CDC20B: variants seen among roughly 807,000 people sequenced by gnomAD.
CDC20B encodes cell division cycle 20B.
Under a neutral mutation model 64.1 loss-of-function variants are expected in CDC20B, and 58 were observed. That is an observed-to-expected ratio of 0.90 (90% CI 0.73 to 1.13). CDC20B has a LOEUF of 1.13. CDC20B is among the 50% of genes most tolerant of loss of function. The pLI, the probability that CDC20B is intolerant of heterozygous loss-of-function variation, is 0.00. For synonymous variants in CDC20B, 243 were observed against 230.6 expected (o/e 1.05, Z -0.49); for missense variants, 597 against 633.0 (o/e 0.94, Z 0.61).
intron 2 of CDC20B, 178 bp downstream of exon 2, chr5:55,172,410 G>C (rs1169396541): frequency 1.7e-6 from 1 of 573,730 alleles, no homozygotes; most frequent in African/African-American, 1.9e-5. Context: ...GCAAACGATT[G>C]CATTATTTGT....
intron 5 of CDC20B, chr5:55,137,360 AG>A (rs1743208575): frequency 2.9e-6 from 1 of 342,466 alleles, no homozygotes; most frequent in African/African-American, 2.1e-5. Context: ...TACACCTGAA[AG>A]TTTACAGGGG....
intron 1 of CDC20B, 52 bp from the exon 2 acceptor site, chr5:55,172,702 A>C: frequency 2.3e-5 from 33 of 1,413,594 alleles, no homozygotes; most frequent in Non-Finnish European, 3.3e-5. Flanking sequence ...GGAAAATCAT[A>C]ATTTCAGGTG....
chr5:55,163,122 AATT>A (rs749141941), intron 2 of CDC20B, among the ~76,000 whole-genome samples: 15 of 152,230 alleles, frequency 9.9e-5, no homozygotes, highest in Non-Finnish European at 1.6e-4. Context: ...TTTTAGTTAT[AATT>A]ATTATATTTT....
chr5:55,153,116 A>G (rs1341389256), intron 2 of CDC20B, among the ~76,000 whole-genome samples: 1 of 151,892 alleles, frequency 6.6e-6, no homozygotes. Flanking sequence ...GTGTGTGCCT[A>G]TAGTCCCAGC....
At chr5:55,128,767 G>T in intron 6 of CDC20B, 150 bp from the exon 7 acceptor site, 1 of 551,160 alleles carries the variant, frequency 1.8e-6, no homozygotes, top group Non-Finnish European at 3.0e-6. Flanking sequence ...ATCCTTAAAA[G>T]TTCAAAAATG....
chr5:55,165,944 G>C (rs1015147024), intron 2 of CDC20B: 3 of 152,220 alleles, frequency 2.0e-5, no homozygotes, highest in Non-Finnish European at 4.4e-5. Context: ...TGTTAGCGAA[G>C]AAAACAGAAG....
At chr5:55,127,226 A>T in intron 8 of CDC20B, 31 bp downstream of exon 8, 1 of 1,572,188 alleles carries the variant, frequency 6.4e-7, no homozygotes, top group Non-Finnish European at 8.8e-7. Flanking sequence ...GTTAATACAA[A>T]CATAACTGTC....
At chr5:55,117,631 A>G (rs1173993926) in intron 11 of CDC20B, among the ~76,000 whole-genome samples, 1 of 152,114 alleles carries the variant, frequency 6.6e-6, no homozygotes, top group Non-Finnish European at 1.5e-5. Flanking sequence ...TCACAACGAA[A>G]GCCATAAAAA....
At position 55,119,795 on chromosome 5, in the gene CDC20B, G is replaced by C; in HGVS notation, c.1459+6C>G. 6.3e-7 allele frequency: 1 copy of C among 1,582,534 alleles called. No homozygotes were observed. Among genetic ancestry groups the C allele is most frequent in the Non-Finnish European group, 8.7e-7 (1 of 1,151,638 alleles). ...TGCATGGCATTTTACTCACCCATTT[G>C]CTTACCAAAAAACCCACCTGACCTG... On this transcript the variant is annotated splice_donor_region_variant and intron_variant, in intron 11 of 11. Transcript: ENST00000381375.
At chr5:55,120,760 G>A (rs943779672) in intron 9 of CDC20B, among the ~76,000 whole-genome samples, 3 of 152,098 alleles carry the variant, frequency 2.0e-5, no homozygotes, top group South Asian at 2.1e-4. Flanking sequence ...TACCTAATAC[G>A]ACTCAAATCA....
At position 55,125,041 on chromosome 5, in the gene CDC20B, A is replaced by G. The variant is rs1242443412; in HGVS notation, c.990-13T>C. 1 of 1,601,950 alleles carries G rather than the reference A, an allele frequency of 6.2e-7. No individual in the cohort carries two copies. Among genetic ancestry groups the G allele is most frequent in the African/African-American group, 1.3e-5 (1 of 74,706 alleles). ...CAGTCTTGACCCACTGCGAGTTTAC[A>G]TAACAAAAAAATTAAGCCCTGTTGC... On this transcript the variant is annotated splice_polypyrimidine_tract_variant and intron_variant, in intron 8 of 11. Transcript: ENST00000381375.
chr5:55,170,865 G>T, intron 2 of CDC20B: 1 of 342,258 alleles, frequency 2.9e-6, no homozygotes, highest in Non-Finnish European at 6.0e-6. Flanking sequence ...ATTACTTCAA[G>T]ACTATAAGAA....
chr5:55,146,791 T>A lies in CDC20B; in HGVS notation c.192A>T (p.Ala64=). ...FKSNFAKRLS[A]EVPVASSPIT... ...TGGGGCTACTCGCAACAGGAACCTC[T>A]GCGGACAGCCTCTTCGCAAAGTTGC... is the stretch of plus-strand genomic sequence containing the variant. The change falls in exon 3 of 12, where the codon GCA becomes GCT. Residue 64 remains alanine (A), a synonymous_variant. Transcript: ENST00000381375. The A allele has an allele frequency of 2.5e-6, 4 of 1,614,176 alleles. No homozygotes were observed. In the South Asian group the frequency reaches 3.3e-5, roughly 13 times the overall value.
chr5:55,138,827 A>G (rs1743253906), intron 5 of CDC20B, among the ~76,000 whole-genome samples: 1 of 152,046 alleles, frequency 6.6e-6, no homozygotes, highest in Non-Finnish European at 1.5e-5. Flanking sequence ...GTTGGTGAAC[A>G]GAGTTGAGGA....
At position 55,124,790 on chromosome 5, in the gene CDC20B, T is replaced by C. The variant is rs372025135; in HGVS notation, c.1215+13A>G. ...GAGTAACAGGAAACCTAGAAATCTA[T>C]TGGGTTTCTTACCTTGACTGCCGTA... On this transcript the variant is annotated intron_variant, in intron 9 of 11. Coordinates refer to ENST00000381375, the MANE Select transcript of CDC20B (RefSeq NM_001170402.1). 5.0e-6 allele frequency: 8 copies of C among 1,604,876 alleles called. No homozygotes were observed. Among genetic ancestry groups the C allele is most frequent in the African/African-American group, 4.0e-5 (3 of 74,890 alleles).
intron 9 of CDC20B, among the ~76,000 whole-genome samples, chr5:55,121,451 T>A (rs533341700): frequency 1.6e-4 from 25 of 152,180 alleles, no homozygotes; most frequent in Non-Finnish European, 2.8e-4. Flanking sequence ...CCTGTTTTGG[T>A]TTTTTGTTGT....
At chr5:55,119,954 T>A (rs750562424) in intron 10 of CDC20B, 36 bp from the exon 11 acceptor site, 39 of 1,458,846 alleles carry the variant, frequency 2.7e-5, no homozygotes, top group Non-Finnish European at 3.6e-5. Context: ...ATTCTTGCAA[T>A]TTCTGATTCC....
At chr5:55,155,681 T>C (rs1306736610) in intron 2 of CDC20B, among the ~76,000 whole-genome samples, 1 of 152,182 alleles carries the variant, frequency 6.6e-6, no homozygotes, top group African/African-American at 2.4e-5. Flanking sequence ...CATTTTCAGG[T>C]AAACATCATC....
At chr5:55,156,354 C>A (rs1425497207) in intron 2 of CDC20B, among the ~76,000 whole-genome samples, 1 of 152,182 alleles carries the variant, frequency 6.6e-6, no homozygotes, top group Non-Finnish European at 1.5e-5. Context: ...ATCTCACCTA[C>A]AATGTTTTCT....
Sources: allele counts gnomAD v4.1 joint callset (sites outside exome capture counted in the v4.1 genomes callset), GRCh38; gene constraint gnomAD v4.1.1; transcripts MANE v1.5; gene names NCBI Gene and HGNC (gene_info 2026-07-23, HGNC 2026-07-21).